Variants in RETREG3 observed in about 807,000 individuals in gnomAD.
RETREG3 encodes the protein reticulophagy regulator family member 3.
A neutral mutation model predicts 50.2 loss-of-function variants in RETREG3; 23 were observed. The observed-to-expected ratio is 0.46, with a 90% CI of 0.33 to 0.65. RETREG3 has a LOEUF of 0.65. RETREG3 is among the 30% of genes least tolerant of loss of function. The pLI, the probability that RETREG3 is intolerant of heterozygous loss-of-function variation, is 0.02. For synonymous variants in RETREG3, 240 were observed against 234.4 expected (o/e 1.02, Z -0.22); for missense variants, 546 against 598.0 (o/e 0.91, Z 0.91).
intron 1 of RETREG3, among the ~76,000 whole-genome samples, chr17:42,596,166 C>T (rs952164005): frequency 2.7e-5 from 4 of 150,286 alleles, no homozygotes; most frequent in Non-Finnish European, 5.9e-5. Flanking sequence ...CCCAGGAGTT[C>T]GAGACCAGCC....
chr17:42,593,111 ACCAAAG>A (rs1475571587), intron 1 of RETREG3, among the ~76,000 whole-genome samples: 1 of 152,210 alleles, frequency 6.6e-6, no homozygotes, highest in Admixed American at 6.6e-5. Context: ...TTATCCTGAT[ACCAAAG>A]CCAAAGACAC....
chr17:42,606,739 T>C (rs2093168461), intron 1 of RETREG3, among the ~76,000 whole-genome samples: 1 of 152,216 alleles, frequency 6.6e-6, no homozygotes, highest in Non-Finnish European at 1.5e-5. Flanking sequence ...CTCACACCTG[T>C]AATCCCAGCA....
intron 6 of RETREG3, among the ~76,000 whole-genome samples, chr17:42,584,498 C>G (rs2143373989): frequency 6.6e-6 from 1 of 152,130 alleles, no homozygotes; most frequent in South Asian, 2.1e-4. Flanking sequence ...GTGAAGAGAC[C>G]AGGCTTAGGA....
At chr17:42,597,511 GTGTGTGTGTGTGTA>G (rs1232423808) in intron 1 of RETREG3, among the ~76,000 whole-genome samples, 1 of 123,500 alleles carries the variant, frequency 8.1e-6, no homozygotes, top group Admixed American at 9.3e-5. Flanking sequence ...GTGTGTGTGT[GTGTGTGTGTGTGTA>G]TATATATATA....
chr17:42,586,328 A>G lies in RETREG3; in HGVS notation c.505-191T>C. 3 of 590,930 alleles carry G rather than the reference A, an allele frequency of 5.1e-6. No homozygotes were observed. The South Asian group carries it at 6.0e-5, about 12-fold the overall frequency. 36.6% of individuals were successfully genotyped at this position (590,930 alleles called of 1,614,324 possible). ...GTCCCCTTCTATTCAAACTCCTTTT[A>G]CATGGCTAACCCCATAGGGCTGCAC... On this transcript the variant is annotated intron_variant, in intron 4 of 8. Coordinates refer to ENST00000309428, the MANE Select transcript of RETREG3 (RefSeq NM_178126.4).
At chr17:42,597,575 T>TTG (rs750495168) in intron 1 of RETREG3, among the ~76,000 whole-genome samples, 5 of 95,282 alleles carry the variant, frequency 5.2e-5, no homozygotes, top group African/African-American at 1.8e-4. Flanking sequence ...TATATATATT[T>TTG]TGTGTGTATA....
At chr17:42,607,806 TAA>T (rs781582346) in intron 1 of RETREG3, among the ~76,000 whole-genome samples, 14 of 137,908 alleles carry the variant, frequency 1.0e-4, no homozygotes, top group African/African-American at 5.3e-5. Flanking sequence ...AACTCTGTCT[TAA>T]AAAAAAAAAA....
At chr17:42,594,204 T>C (rs1407782684) in intron 1 of RETREG3, among the ~76,000 whole-genome samples, 1 of 151,932 alleles carries the variant, frequency 6.6e-6, no homozygotes, top group East Asian at 1.9e-4. Context: ...AAAACAAATA[T>C]TGGAGCCAAT....
chr17:42,582,741 G>A lies in RETREG3; in HGVS notation c.876C>T (p.Val292=). Residue 292 remains valine, a synonymous_variant, in exon 8 of 9, where the codon GTC becomes GTT. Transcript: ENST00000309428. ...TGAATGTGCCATTGTCTGTACAGGA[G>A]ACTTCAGCGTCTGAGTGCTCAGAGT... The part of the protein sequence containing the change: ...ITDSEHSDAE[V]SCTDNGTFNL... The A allele has an allele frequency of 3.1e-6, 5 of 1,614,260 alleles. No homozygotes were observed. Among genetic ancestry groups the A allele is most frequent in the Non-Finnish European group, 4.2e-6 (5 of 1,180,050 alleles).
intron 1 of RETREG3, among the ~76,000 whole-genome samples, chr17:42,594,090 C>T (rs2093138772): frequency 6.6e-6 from 1 of 152,202 alleles, no homozygotes; most frequent in African/African-American, 2.4e-5. Context: ...ACCTGGGGGA[C>T]TGCGTCACAA....
At chr17:42,589,737 A>G (rs768635227) in intron 2 of RETREG3, among the ~76,000 whole-genome samples, 4 of 152,158 alleles carry the variant, frequency 2.6e-5, no homozygotes, top group Non-Finnish European at 5.9e-5. Context: ...CCTGGCCCCA[A>G]CTATTTATGT....
chr17:42,589,647 C>G (rs865795608), intron 2 of RETREG3, among the ~76,000 whole-genome samples: 1 of 152,110 alleles, frequency 6.6e-6, no homozygotes, highest in Admixed American at 6.6e-5. Context: ...TTGTCCAGGC[C>G]GGTCTCAAAT....
intron 1 of RETREG3, among the ~76,000 whole-genome samples, chr17:42,597,228 C>T (rs1473419902): frequency 3.6e-5 from 5 of 138,186 alleles, no homozygotes; most frequent in South Asian, 2.3e-4. Flanking sequence ...TTAGCTCTGT[C>T]GCCAGGCTAG....
chr17:42,599,790 C>T (rs1417749580), intron 1 of RETREG3, among the ~76,000 whole-genome samples: 2 of 151,854 alleles, frequency 1.3e-5, no homozygotes. Flanking sequence ...GTCAGGAGTT[C>T]GAGACAAGCC....
At chr17:42,586,209 G>A in intron 4 of RETREG3, 72 bp from the exon 5 acceptor site, 1 of 1,400,172 alleles carries the variant, frequency 7.1e-7, no homozygotes, top group East Asian at 2.3e-5. Context: ...AAGGGTTAGG[G>A]TAGAGATATG....
chr17:42,594,115 G>A (rs977942614), intron 1 of RETREG3, among the ~76,000 whole-genome samples: 24 of 152,252 alleles, frequency 1.6e-4, no homozygotes, highest in Non-Finnish European at 2.6e-4. Context: ...TGCTAGCCTC[G>A]GAGGTAGAGG....
At chr17:42,609,417 T>G (rs772416013), upstream of RETREG3, 34 of 1,392,996 alleles carry the variant, frequency 2.4e-5, no homozygotes, top group Non-Finnish European at 3.2e-5. Context: ...GGGAGGTGGC[T>G]TCGCACCACA....
chr17:42,607,927 C>G (rs1567928732), intron 1 of RETREG3, among the ~76,000 whole-genome samples: 1 of 152,126 alleles, frequency 6.6e-6, no homozygotes, highest in Non-Finnish European at 1.5e-5. Context: ...ACTGTGACAC[C>G]TTTAACTGGG....
intron 1 of RETREG3, among the ~76,000 whole-genome samples, chr17:42,600,712 T>A (rs2093156832): frequency 6.6e-6 from 1 of 152,220 alleles, no homozygotes; most frequent in East Asian, 1.9e-4. Flanking sequence ...AAAATATTTT[T>A]AAAATGATCC....
Sources: gnomAD v4.1 joint callset for allele counts (sites outside exome capture counted in the v4.1 genomes callset) on GRCh38, gnomAD v4.1.1 for gene constraint, MANE v1.5 for transcripts, NCBI Gene and HGNC (gene_info 2026-07-23, HGNC 2026-07-21) for gene names.